CHD2: variants seen among roughly 807,000 people sequenced by gnomAD.
CHD2 encodes the protein chromodomain helicase DNA binding protein 2.
CHD2 carries 28 observed loss-of-function variants against 243.9 expected under a neutral mutation model. That is an observed-to-expected ratio of 0.11 (90% CI 0.09 to 0.16). The LOEUF (loss-of-function observed/expected upper bound fraction) is 0.16, where lower values mean the gene tolerates loss of function less well. Among genes scored for constraint, CHD2 ranks in the 10% least tolerant of loss-of-function variants. CHD2 has a pLI of 1.00. For synonymous variants in CHD2, 775 were observed against 779.0 expected, an observed-to-expected ratio of 0.99 and a Z score of 0.09; for missense variants, 1,386 against 2,209.8, an observed-to-expected ratio of 0.63 and a Z score of 7.47.
At chr15:92,968,052 T>A (rs1198905041) in intron 17 of CHD2, among the ~76,000 whole-genome samples, 1 of 152,164 alleles carries the variant, frequency 6.6e-6, no homozygotes, top group Non-Finnish European at 1.5e-5. Context: ...GCATTTTGCT[T>A]GTTTGGGGAT....
intron 3 of CHD2, among the ~76,000 whole-genome samples, chr15:92,926,667 A>G (rs1450347680): frequency 2.0e-5 from 3 of 152,248 alleles, no homozygotes; most frequent in African/African-American, 4.8e-5. Flanking sequence ...AATTACTGCT[A>G]CAGAATAAAA....
chr15:92,904,904 A>C (rs2052591026), intron 2 of CHD2: 2 of 1,535,848 alleles, frequency 1.3e-6, no homozygotes, highest in Non-Finnish European at 8.7e-7. Context: ...CAGCTGTTTA[A>C]TACATGGCTC....
intron 16 of CHD2, among the ~76,000 whole-genome samples, chr15:92,961,232 T>C (rs1315462636): frequency 2.6e-5 from 4 of 152,140 alleles, no homozygotes; most frequent in African/African-American, 9.7e-5. Flanking sequence ...CTTCACTTTG[T>C]GGGAAAATTT....
chr15:92,959,512 A>G (rs1372947094), intron 16 of CHD2, among the ~76,000 whole-genome samples: 1 of 151,698 alleles, frequency 6.6e-6, no homozygotes, highest in Non-Finnish European at 1.5e-5. Context: ...TTTTTTTGAG[A>G]TGGAGCCTTG....
chr15:93,016,510 A>G (rs1423461213), intron 37 of CHD2, among the ~76,000 whole-genome samples: 1 of 152,256 alleles, frequency 6.6e-6, no homozygotes, highest in Non-Finnish European at 1.5e-5. Flanking sequence ...TGATTGAGCC[A>G]TTCCATAATG....
intron 19 of CHD2, 90 bp downstream of exon 19, chr15:92,972,507 G>T (rs2053853521): frequency 1.8e-6 from 2 of 1,135,686 alleles, no homozygotes; most frequent in Non-Finnish European, 1.2e-6. Context: ...TGTATGCTTT[G>T]CTTGTTAAAG....
intron 2 of CHD2, among the ~76,000 whole-genome samples, chr15:92,903,805 A>C (rs1340204425): frequency 6.6e-6 from 1 of 152,224 alleles, no homozygotes; most frequent in African/African-American, 2.4e-5. Context: ...GAATTGAACG[A>C]GTTTATTAAA....
chr15:93,011,842 C>G (rs1596456589), intron 35 of CHD2, among the ~76,000 whole-genome samples: 1 of 152,136 alleles, frequency 6.6e-6, no homozygotes, highest in South Asian at 2.1e-4. Context: ...GGCAGCAACA[C>G]AGAGATGACC....
At chr15:92,972,043 T>G in intron 18 of CHD2, 116 bp downstream of exon 18, 1 of 1,193,232 alleles carries the variant, frequency 8.4e-7, no homozygotes, top group South Asian at 1.6e-5. Context: ...CAAAGGAAGC[T>G]TTAAAAATGG....
chr15:92,983,204 G>A (rs2054001440), intron 24 of CHD2, among the ~76,000 whole-genome samples: 1 of 152,116 alleles, frequency 6.6e-6, no homozygotes, highest in African/African-American at 2.4e-5. Flanking sequence ...TCAGTCCATT[G>A]CACTGTTTCA....
At chr15:93,012,288 TA>T in intron 35 of CHD2, 56 bp from the exon 36 acceptor site, 1 of 1,212,502 alleles carries the variant, frequency 8.2e-7, no homozygotes, top group Non-Finnish European at 1.2e-6. Flanking sequence ...ATGAAGATCA[TA>T]AAAAATTGCT....
At chr15:92,995,299 C>T (rs535546622) in intron 28 of CHD2, among the ~76,000 whole-genome samples, 3 of 152,118 alleles carry the variant, frequency 2.0e-5, no homozygotes, top group Admixed American at 6.5e-5. Flanking sequence ...CATTTAGATT[C>T]GATTTAATTT....
intron 7 of CHD2, 117 bp from the exon 8 acceptor site, chr15:92,941,705 A>T: frequency 9.4e-7 from 1 of 1,069,446 alleles, no homozygotes; most frequent in South Asian, 1.5e-5. Flanking sequence ...CAGATCTATA[A>T]AACAACATGC....
chr15:92,961,885 T>C (rs1359206317), intron 16 of CHD2, among the ~76,000 whole-genome samples: 1 of 82,768 alleles, frequency 1.2e-5, no homozygotes, highest in Admixed American at 1.3e-4. Context: ...TCTTTTTTTT[T>C]TTTTTTTTTT....
In CHD2 at chr15:92,953,615, A is replaced by G. The variant is rs529351761; in HGVS notation, c.1719+42A>G. On this transcript the variant is annotated intron_variant, in intron 14 of 38. Coordinates refer to ENST00000394196, the MANE Select transcript of CHD2 (RefSeq NM_001271.4). ...AGCTGGGTTAGAATCTGTGTTATAA[A>G]TGTAATTTAGAAATTCACTTAAAGC... The G allele has an allele frequency of 7.0e-6, 11 of 1,575,512 alleles. No homozygotes were observed. In the African/African-American group the frequency reaches 8.1e-5, roughly 12 times the overall value.
At chr15:92,981,505 G>T in intron 24 of CHD2, 48 bp downstream of exon 24, 1 of 1,423,368 alleles carries the variant, frequency 7.0e-7, no homozygotes, top group Non-Finnish European at 9.9e-7. Flanking sequence ...ATTCATTAAT[G>T]ATGACTAATG....
At chr15:92,942,494 A>C (rs1326400783) in intron 8 of CHD2, among the ~76,000 whole-genome samples, 1 of 148,880 alleles carries the variant, frequency 6.7e-6, no homozygotes, top group Non-Finnish European at 1.5e-5. Context: ...TTGGAGGAGG[A>C]TATTTTGGTG....
intron 2 of CHD2, among the ~76,000 whole-genome samples, chr15:92,920,892 A>G (rs150891488): frequency 1.7e-4 from 26 of 152,314 alleles, no homozygotes; most frequent in African/African-American, 6.3e-4. Flanking sequence ...TTGCAAGTTT[A>G]TTGGGGAGGT....
chr15:92,904,362 C>G (rs1184974107), intron 2 of CHD2: 11 of 848,342 alleles, frequency 1.3e-5, no homozygotes, highest in Non-Finnish European at 1.3e-5. Context: ...ACGGCGGCGC[C>G]TTCGGCAGCC....
Sources: gnomAD v4.1 joint callset for allele counts (sites outside exome capture counted in the v4.1 genomes callset) on GRCh38, gnomAD v4.1.1 for gene constraint, MANE v1.5 for transcripts, NCBI Gene and HGNC (gene_info 2026-07-23, HGNC 2026-07-21) for gene names.